KPNA5: variants seen among roughly 807,000 people sequenced by gnomAD.
KPNA5 encodes importin subunit alpha-6.
KPNA5 carries 46 observed loss-of-function variants against 71.3 expected under a neutral mutation model. The ratio of observed to expected loss-of-function variants is 0.65; its 90% CI spans 0.51 to 0.83. The LOEUF (loss-of-function observed/expected upper bound fraction) is 0.83. Among genes scored for constraint, KPNA5 ranks in the 40% least tolerant of loss-of-function variants. The probability of loss-of-function intolerance (pLI) is 0.00; values close to 1 mark genes in which losing one functional copy is unlikely to be tolerated. For missense variants in KPNA5, 547 were observed against 628.3 expected, an observed-to-expected ratio of 0.87 and a Z score of 1.38; for synonymous variants, 207 against 201.4, an observed-to-expected ratio of 1.03 and a Z score of -0.24.
At chr6:116,704,522 C>T (rs1778358837) in intron 6 of KPNA5, among the ~76,000 whole-genome samples, 1 of 152,164 alleles carries the variant, frequency 6.6e-6, no homozygotes, top group Admixed American at 6.5e-5. Context: ...TATTTTGTCT[C>T]TCCATGTAAA....
chr6:116,720,160 A>G (rs1779048713), intron 8 of KPNA5, among the ~76,000 whole-genome samples: 1 of 152,100 alleles, frequency 6.6e-6, no homozygotes, highest in South Asian at 2.1e-4. Context: ...CTACTTTAGC[A>G]CCGTTTCCCC....
intron 5 of KPNA5, among the ~76,000 whole-genome samples, chr6:116,699,835 T>G (rs1400023621): frequency 1.3e-5 from 2 of 152,320 alleles, no homozygotes; most frequent in East Asian, 3.9e-4. Flanking sequence ...TGTGAATAAA[T>G]AAAATTATTG....
At chr6:116,681,362 A>G (rs375113458) in intron 1 of KPNA5, 24 bp downstream of exon 1, 11 of 1,572,418 alleles carry the variant, frequency 7.0e-6, no homozygotes, top group South Asian at 6.8e-5. Flanking sequence ...AACACGGGCT[A>G]GGTTGGGGGA....
At chr6:116,685,496 TCTC>T (rs1461775835) in intron 1 of KPNA5, among the ~76,000 whole-genome samples, 2 of 152,212 alleles carry the variant, frequency 1.3e-5, no homozygotes, top group African/African-American at 2.4e-5. Context: ...GTCCATGTGT[TCTC>T]CTCATTTAGC....
intron 6 of KPNA5, 82 bp downstream of exon 6, chr6:116,702,232 T>TA: frequency 1.4e-6 from 2 of 1,432,132 alleles, no homozygotes; most frequent in Non-Finnish European, 1.9e-6. Context: ...GATGTGTAAT[T>TA]CATTTTTGTT....
chr6:116,709,800 C>T (rs1460909841), intron 7 of KPNA5, among the ~76,000 whole-genome samples: 1 of 150,758 alleles, frequency 6.6e-6, no homozygotes. Flanking sequence ...GAGTCATGCT[C>T]TGTCGCCAGG....
intron 7 of KPNA5, among the ~76,000 whole-genome samples, chr6:116,708,415 C>G (rs1387523740): frequency 6.6e-6 from 1 of 152,134 alleles, no homozygotes; most frequent in Non-Finnish European, 1.5e-5. Flanking sequence ...CACATATTAT[C>G]TGTTATTCTG....
intron 7 of KPNA5, among the ~76,000 whole-genome samples, chr6:116,707,478 G>C (rs1464579168): frequency 6.6e-6 from 1 of 152,102 alleles, no homozygotes; most frequent in Non-Finnish European, 1.5e-5. Flanking sequence ...TTATCTCTCA[G>C]GTCAAATCTG....
At chr6:116,699,228 A>C (rs922484202) in intron 5 of KPNA5, among the ~76,000 whole-genome samples, 1 of 152,050 alleles carries the variant, frequency 6.6e-6, no homozygotes, top group African/African-American at 2.4e-5. Flanking sequence ...ATCTAGTAGA[A>C]ATGTGACCAG....
chr6:116,721,068 C>T (rs1301791829), intron 8 of KPNA5, among the ~76,000 whole-genome samples: 1 of 151,732 alleles, frequency 6.6e-6, no homozygotes, highest in East Asian at 1.9e-4. Context: ...TGAAAATCAT[C>T]TTTAGAGGAC....
At chr6:116,710,393 A>T (rs1033631661) in intron 7 of KPNA5, among the ~76,000 whole-genome samples, 4 of 150,490 alleles carry the variant, frequency 2.7e-5, no homozygotes, top group Non-Finnish European at 5.9e-5. Flanking sequence ...CTCTTTTTTT[A>T]AAAAAAAAAT....
chr6:116,725,703 A>T, intron 10 of KPNA5, 48 bp from the exon 11 acceptor site: 1 of 1,458,496 alleles, frequency 6.9e-7, no homozygotes, highest in Non-Finnish European at 9.4e-7. Context: ...ATTTTCATAT[A>T]GGTTATTTAC....
Position 116,711,913 on chromosome 6 carries a change from G to T in KPNA5, c.657-4306G>T, listed in dbSNP as rs376255432. Among the ~76,000 whole-genome samples the T allele has an allele frequency of 1.6e-3, 237 of 152,266 alleles. 4 individuals carry two copies. In the South Asian group the frequency reaches 0.047, roughly 30 times the overall value. On this transcript the variant is annotated intron_variant, in intron 7 of 13. Coordinates refer to ENST00000368564, the MANE Select transcript of KPNA5 (RefSeq NM_001366306.2). ...TGGGATTACAGGCGTGAGCCACTGCGCTAGGCCTAGACCATGTAAGTTTTT... is the reference window on the plus strand; with the variant it reads ...TGGGATTACAGGCGTGAGCCACTGCTCTAGGCCTAGACCATGTAAGTTTTT...
chr6:116,718,375 GC>G (rs1207586310), intron 8 of KPNA5, among the ~76,000 whole-genome samples: 5 of 149,448 alleles, frequency 3.3e-5, no homozygotes, highest in Admixed American at 6.8e-5. Context: ...CTATTCTCCT[GC>G]CCCAGCCTCT....
intron 4 of KPNA5, among the ~76,000 whole-genome samples, chr6:116,696,768 A>T (rs573301426): frequency 2.6e-5 from 4 of 152,150 alleles, no homozygotes; most frequent in Non-Finnish European, 4.4e-5. Flanking sequence ...TATCACCATT[A>T]TAAGATTATG....
rs1223869458 is a variant in KPNA5, at chr6:116,732,914, T to G, written c.*591T>G. The G allele has an allele frequency of 1.3e-5, 2 of 151,962 alleles. No homozygotes were observed. Among genetic ancestry groups the G allele is most frequent in the Non-Finnish European group, 2.9e-5 (2 of 67,862 alleles). The allele number at this position is 151,962 out of a possible 1,614,324, so 9.4% of individuals were successfully genotyped here. ...CAACAGAAAACCTATAAAATTTATT[T>G]ATAAAACAGAAGAAATATTATACTG... On this transcript the variant is annotated 3_prime_UTR_variant, in exon 14 of 14. Coordinates refer to ENST00000368564, the MANE Select transcript of KPNA5 (RefSeq NM_001366306.2).
chr6:116,711,538 ATGTGTGTG>A (rs143357784), intron 7 of KPNA5, among the ~76,000 whole-genome samples: 5 of 143,556 alleles, frequency 3.5e-5, no homozygotes, highest in South Asian at 2.2e-4. Flanking sequence ...TTTTCTGCAT[ATGTGTGTG>A]TGTGTGTGTG....
At chr6:116,714,378 G>C (rs1778810006) in intron 7 of KPNA5, among the ~76,000 whole-genome samples, 1 of 152,150 alleles carries the variant, frequency 6.6e-6, no homozygotes, top group African/African-American at 2.4e-5. Flanking sequence ...AAAAAGAAAA[G>C]TCTCCAGGTT....
chr6:116,714,578 G>T (rs906875327), intron 7 of KPNA5, among the ~76,000 whole-genome samples: 1 of 152,116 alleles, frequency 6.6e-6, no homozygotes, highest in Non-Finnish European at 1.5e-5. Flanking sequence ...CCTTCAGACT[G>T]TCTGATACAT....
Sources: allele counts gnomAD v4.1 joint callset (sites outside exome capture counted in the v4.1 genomes callset), GRCh38; gene constraint gnomAD v4.1.1; transcripts MANE v1.5; gene names NCBI Gene and HGNC (gene_info 2026-07-23, HGNC 2026-07-21).